Variants in KPNA6 observed in about 807,000 individuals in gnomAD.
KPNA6 encodes karyopherin subunit alpha 6.
Under a neutral mutation model 72.0 loss-of-function variants are expected in KPNA6, and 9 were observed. The observed-to-expected ratio is 0.13, with a 90% CI of 0.08 to 0.22. The LOEUF (loss-of-function observed/expected upper bound fraction) is 0.22, where lower values mean the gene tolerates loss of function less well. Ranked by LOEUF, KPNA6 falls within the 10% of genes least tolerant of loss-of-function variation. The pLI, the probability that KPNA6 is intolerant of heterozygous loss-of-function variation, is 1.00. For missense variants in KPNA6, 374 were observed against 655.7 expected, an observed-to-expected ratio of 0.57 and a Z score of 4.69; for synonymous variants, 219 against 242.1, an observed-to-expected ratio of 0.90 and a Z score of 0.89.
chr1:32,162,167 G>A, intron 8 of KPNA6, 121 bp downstream of exon 8: 1 of 925,604 alleles, frequency 1.1e-6, no homozygotes, highest in Non-Finnish European at 1.7e-6. Context: ...AATTGTTAGT[G>A]AAGTAGATGA....
At position 32,169,451 on chromosome 1, in the gene KPNA6, C is replaced by CTT. The variant is rs553772781; in HGVS notation, c.1245-419_1245-418dup. Among the ~76,000 whole-genome samples, 41 of 139,982 alleles carry CTT rather than the reference C, an allele frequency of 2.9e-4. No individual in the cohort carries two copies. In the East Asian group the frequency reaches 4.6e-3, roughly 16 times the overall value. The allele number at this position is 139,982 out of a possible 152,430, so 91.8% of individuals were successfully genotyped here. ...GCACAATTCTTTTTTCTTTTCTTTT[C>CTT]TTTTTTTTTTTTTGAGACGGAGTCT... is the stretch of plus-strand genomic sequence containing the variant. On this transcript the variant is annotated intron_variant, in intron 12 of 13. Transcript: ENST00000373625.
chr1:32,138,341 C>T (rs1425304303), intron 1 of KPNA6, among the ~76,000 whole-genome samples: 16 of 151,524 alleles, frequency 1.1e-4, no homozygotes, highest in Non-Finnish European at 2.2e-4. Flanking sequence ...GATCAGGAGT[C>T]GAGACCAGCC....
intron 1 of KPNA6, 77 bp from the exon 2 acceptor site, chr1:32,154,510 TG>T: frequency 6.7e-7 from 1 of 1,489,890 alleles, no homozygotes; most frequent in Non-Finnish European, 9.1e-7. Flanking sequence ...GGGTGAAGGG[TG>T]GGTAGGGATA....
chr1:32,167,110 T>TA (rs1363206612), intron 11 of KPNA6, 59 bp from the exon 12 acceptor site: 90 of 1,592,152 alleles, frequency 5.7e-5, no homozygotes, highest in Non-Finnish European at 7.1e-5. Flanking sequence ...GGACTAGATT[T>TA]ATTTATCATG....
chr1:32,150,979 C>G (rs754035802), intron 1 of KPNA6, among the ~76,000 whole-genome samples: 1 of 151,982 alleles, frequency 6.6e-6, no homozygotes. Flanking sequence ...TGGAGTACAG[C>G]GGTGCAGTCA....
chr1:32,166,036 C>CAAAA (rs1209466242), intron 10 of KPNA6, 69 bp from the exon 11 acceptor site: 36 of 1,437,272 alleles, frequency 2.5e-5, no homozygotes, highest in Admixed American at 1.9e-4. Flanking sequence ...ACAACAACAA[C>CAAAA]AAAAAAACAT....
chr1:32,153,016 CAAAA>C (rs766574019), intron 1 of KPNA6, among the ~76,000 whole-genome samples: 2 of 34,966 alleles, frequency 5.7e-5, no homozygotes, highest in Non-Finnish European at 1.1e-4. Flanking sequence ...GACTCCATCT[CAAAA>C]AAAAAAAAAA....
rs780571619 is a variant in KPNA6 at position 32,163,333 on chromosome 1, A to G, written c.990+20A>G. ...ACCCAGGTAAGAAAGAGGAGGGTGC[A>G]GGATCTTAGACCAGCTATGGAAGAG... On this transcript the variant is annotated intron_variant, in intron 10 of 13. Coordinates refer to ENST00000373625, the MANE Select transcript of KPNA6 (RefSeq NM_012316.5). The G allele has an allele frequency of 8.9e-6, 14 of 1,571,062 alleles. No homozygotes were observed. The East Asian group carries it at 2.2e-4, about 25-fold the overall frequency.
Position 32,171,728 on chromosome 1 carries a change from G to A in KPNA6, c.*834G>A, listed in dbSNP as rs139164428. The stretch of plus-strand genomic sequence containing the variant: ...ATGGGGCTTCCCACGTGTAGCTACT[G>A]ATCCCATATTTCCTACTCACCTTCC... On this transcript the variant is annotated 3_prime_UTR_variant, in exon 14 of 14. Coordinates refer to ENST00000373625, the MANE Select transcript of KPNA6 (RefSeq NM_012316.5). The A allele has an allele frequency of 5.9e-5, 9 of 152,232 alleles. No homozygotes were observed. The highest frequency in any genetic ancestry group is 1.3e-4 in the Non-Finnish European group (9 of 68,076). 9.4% of individuals were successfully genotyped at this position (152,232 alleles called of 1,614,324 possible).
chr1:32,153,666 A>G (rs1419874909), intron 1 of KPNA6, among the ~76,000 whole-genome samples: 4 of 152,160 alleles, frequency 2.6e-5, no homozygotes, highest in African/African-American at 7.2e-5. Context: ...ACAACATGAA[A>G]TCTAACCTCA....
At position 32,175,348 on chromosome 1, in the gene KPNA6, C is replaced by G. The variant is rs1426149586; in HGVS notation, c.*4454C>G. The G allele has an allele frequency of 6.6e-6, 1 of 152,290 alleles. No individual in the cohort carries two copies. The highest frequency in any genetic ancestry group is 1.5e-5 in the Non-Finnish European group (1 of 68,116). The allele number at this position is 152,290 out of a possible 1,614,324, so 9.4% of individuals were successfully genotyped here. A position where few individuals can be genotyped will look rare whatever the true frequency, so the allele number is the denominator to read the frequency against. On this transcript the variant is annotated 3_prime_UTR_variant, in exon 14 of 14. Coordinates refer to ENST00000373625, the MANE Select transcript of KPNA6 (RefSeq NM_012316.5). ...CTGACTTCTGATGTCCACATTAGCTCGTACCTGAACCCTGTTGCTGAATGC... is the reference window on the plus strand; with the variant it reads ...CTGACTTCTGATGTCCACATTAGCTGGTACCTGAACCCTGTTGCTGAATGC...
At chr1:32,145,473 C>T (rs1477331034) in intron 1 of KPNA6, among the ~76,000 whole-genome samples, 1 of 151,516 alleles carries the variant, frequency 6.6e-6, no homozygotes, top group Non-Finnish European at 1.5e-5. Context: ...TACAGGCACC[C>T]GCCACCATGC....
rs1487160607 is a variant in KPNA6 at position 32,167,071 on chromosome 1, G to A, written c.1117-98G>A. The A allele has an allele frequency of 4.9e-6, 7 of 1,441,304 alleles. No individual in the cohort carries two copies. In the South Asian group the frequency reaches 5.1e-5, roughly 11 times the overall value. 89.3% of individuals were successfully genotyped at this position (1,441,304 alleles called of 1,614,324 possible). On this transcript the variant is annotated intron_variant, in intron 11 of 13. Coordinates refer to ENST00000373625, the MANE Select transcript of KPNA6 (RefSeq NM_012316.5). The stretch of plus-strand genomic sequence containing the variant: ...GAACAAAAGAAAACTCCCAGAATGG[G>A]GAAGATGTCTAAGTCTCAGCTGATT...
intron 9 of KPNA6, 116 bp from the exon 10 acceptor site, chr1:32,163,119 A>G (rs1642270315): frequency 1.5e-6 from 1 of 688,200 alleles, no homozygotes; most frequent in Non-Finnish European, 2.6e-6. Context: ...AAAAAGAAAA[A>G]AGAAAAAAAA....
intron 1 of KPNA6, among the ~76,000 whole-genome samples, chr1:32,142,475 A>G (rs1641857259): frequency 6.6e-6 from 1 of 152,048 alleles, no homozygotes; most frequent in Non-Finnish European, 1.5e-5. Flanking sequence ...GTTTTGAGGT[A>G]TTGGGGTTTA....
At position 32,169,877 on chromosome 1, in the gene KPNA6, C is replaced by T. The variant is rs774252962; in HGVS notation, c.1245-5C>T. On this transcript the variant is annotated splice_polypyrimidine_tract_variant and splice_region_variant and intron_variant, in intron 12 of 13. Coordinates refer to ENST00000373625, the MANE Select transcript of KPNA6 (RefSeq NM_012316.5). ...TTTAGCACTTGCCTGGTCTCTGGCC[C>T]CTAGGTACCTGGTCTCACTGGGCTG... 3.1e-6 allele frequency: 5 copies of T among 1,612,940 alleles called. No homozygotes were observed. Among genetic ancestry groups the T allele is most frequent in the East Asian group, 2.2e-5 (1 of 44,854 alleles).
In KPNA6 at chr1:32,154,724, G is replaced by T. The variant is rs201829222; in HGVS notation, c.138+3G>T. 161 of 1,613,742 alleles carry T rather than the reference G, an allele frequency of 1.0e-4. No homozygotes were observed. The highest frequency in any genetic ancestry group is 1.0e-4 in the Non-Finnish European group (118 of 1,179,878). On this transcript the variant is annotated splice_donor_region_variant and intron_variant, in intron 2 of 13. Transcript: ENST00000373625. ...GGAAGCAGAAGCGAGAGCAACAAGTGAGTTAATGGGAGTATTCTCAAACAT... is the reference window on the plus strand; with the variant it reads ...GGAAGCAGAAGCGAGAGCAACAAGTTAGTTAATGGGAGTATTCTCAAACAT...
intron 1 of KPNA6, among the ~76,000 whole-genome samples, chr1:32,143,577 AAAAAAAAAAG>A (rs1337669831): frequency 6.8e-6 from 1 of 146,180 alleles, no homozygotes; most frequent in Non-Finnish European, 1.5e-5. Flanking sequence ...TGTCTTAAAA[AAAAAAAAAAG>A]AAAAGAAAAA....
At chr1:32,108,472 C>T (rs1641185598) in intron 1 of KPNA6, among the ~76,000 whole-genome samples, 1 of 152,188 alleles carries the variant, frequency 6.6e-6, no homozygotes, top group African/African-American at 2.4e-5. Context: ...GGGCTCCCGG[C>T]GGCAGGCCTG....
Sources: gnomAD v4.1 joint callset for allele counts (sites outside exome capture counted in the v4.1 genomes callset) on GRCh38, gnomAD v4.1.1 for gene constraint, MANE v1.5 for transcripts, NCBI Gene and HGNC (gene_info 2026-07-23, HGNC 2026-07-21) for gene names.